TMEM45A: variants seen among roughly 807,000 people sequenced by gnomAD.
TMEM45A encodes transmembrane protein 45A, also known as DNA polymerase-transactivated protein 4.
Under a neutral mutation model 32.0 loss-of-function variants are expected in TMEM45A, and 25 were observed. That is an observed-to-expected ratio of 0.78 (90% CI 0.57 to 1.09). The LOEUF is 1.09. Ranked by LOEUF, TMEM45A falls within the 50% of genes least tolerant of loss-of-function variation. TMEM45A has a pLI of 0.00. For missense variants in TMEM45A, 302 were observed against 325.0 expected (o/e 0.93, Z 0.54); for synonymous variants, 122 against 114.8 (o/e 1.06, Z -0.40).
chr3:100,548,328 A>T (rs767386243), intron 1 of TMEM45A, among the ~76,000 whole-genome samples: 2 of 152,222 alleles, frequency 1.3e-5, no homozygotes, highest in Non-Finnish European at 2.9e-5. Flanking sequence ...GTTTGTCTCC[A>T]CATGCTCATT....
chr3:100,558,359 G>A (rs1346050865), intron 3 of TMEM45A, 46 bp from the exon 4 acceptor site: 2 of 1,603,500 alleles, frequency 1.2e-6, no homozygotes, highest in African/African-American at 2.7e-5. Context: ...AACAGTGGGT[G>A]GTCCTTGGTT....
At chr3:100,524,744 C>T (rs1705508915) in intron 1 of TMEM45A, among the ~76,000 whole-genome samples, 1 of 152,176 alleles carries the variant, frequency 6.6e-6, no homozygotes, top group South Asian at 2.1e-4. Context: ...AAAAGCCAGT[C>T]TTTGATGGGT....
intron 1 of TMEM45A, among the ~76,000 whole-genome samples, chr3:100,548,944 T>C (rs1427028100): frequency 6.6e-6 from 1 of 152,164 alleles, no homozygotes; most frequent in East Asian, 1.9e-4. Context: ...AGGCACTGTG[T>C]GTTAGAAAAT....
intron 1 of TMEM45A, among the ~76,000 whole-genome samples, chr3:100,521,088 G>A (rs1328455301): frequency 2.0e-5 from 3 of 152,160 alleles, no homozygotes; most frequent in Non-Finnish European, 4.4e-5. Context: ...GCAAAGTTTA[G>A]CGCGTGAAGC....
chr3:100,510,528 G>A (rs560700336), intron 1 of TMEM45A, among the ~76,000 whole-genome samples: 13 of 152,322 alleles, frequency 8.5e-5, no homozygotes, highest in African/African-American at 2.6e-4. Flanking sequence ...AAAAAACAGA[G>A]CAGAAAAACT....
intron 1 of TMEM45A, among the ~76,000 whole-genome samples, chr3:100,542,127 G>A (rs1705894902): frequency 6.6e-6 from 1 of 152,106 alleles, no homozygotes; most frequent in South Asian, 2.1e-4. Context: ...GATTGCTTTG[G>A]CTATTTGGGT....
chr3:100,507,061 G>T (rs1179615233), intron 1 of TMEM45A, among the ~76,000 whole-genome samples: 1 of 152,190 alleles, frequency 6.6e-6, no homozygotes, highest in Non-Finnish European at 1.5e-5. Flanking sequence ...TGGACTTACT[G>T]CTCTAGAGGT....
At chr3:100,560,729 TAAAG>T (rs1367410788) in intron 4 of TMEM45A, among the ~76,000 whole-genome samples, 2 of 152,026 alleles carry the variant, frequency 1.3e-5, no homozygotes, top group Non-Finnish European at 1.5e-5. Context: ...AATATTCAAA[TAAAG>T]AAAGGCAGGA....
chr3:100,502,136 A>G (rs142215206), intron 1 of TMEM45A, among the ~76,000 whole-genome samples: 38 of 152,268 alleles, frequency 2.5e-4, no homozygotes, highest in African/African-American at 8.2e-4. Context: ...CCTACATTTT[A>G]TATAACTACC....
intron 1 of TMEM45A, among the ~76,000 whole-genome samples, chr3:100,528,321 G>A (rs3924054): frequency 0.093 from 14,125 of 152,256 alleles, 868 homozygotes; most frequent in East Asian, 0.26. Flanking sequence ...TTCTCCCTCA[G>A]GGGTGTGCAA....
intron 1 of TMEM45A, among the ~76,000 whole-genome samples, chr3:100,499,679 C>G (rs1707984262): frequency 6.6e-6 from 1 of 152,102 alleles, no homozygotes. Context: ...GAGTTCGAGA[C>G]CAGCCTAAGC....
At chr3:100,565,539 A>G (rs765693324) in intron 4 of TMEM45A, among the ~76,000 whole-genome samples, 14 of 152,142 alleles carry the variant, frequency 9.2e-5, no homozygotes, top group Non-Finnish European at 2.1e-4. Flanking sequence ...ACCCGATTTT[A>G]TTATCGAGAT....
At chr3:100,532,492 G>T (rs901272173) in intron 1 of TMEM45A, among the ~76,000 whole-genome samples, 1 of 152,198 alleles carries the variant, frequency 6.6e-6, no homozygotes, top group Non-Finnish European at 1.5e-5. Flanking sequence ...GATGCGGCCG[G>T]CCCATATGCC....
chr3:100,535,329 GT>G (rs1311657877), intron 1 of TMEM45A, among the ~76,000 whole-genome samples: 2 of 151,994 alleles, frequency 1.3e-5, no homozygotes, highest in African/African-American at 2.4e-5. Context: ...GGCCAGGCTG[GT>G]TTTGAATGGC....
intron 1 of TMEM45A, chr3:100,519,369 TTGTGTGTGTGTGTGTGCATGTG>T (rs1228407800): frequency 2.3e-5 from 12 of 519,134 alleles, no homozygotes; most frequent in Middle Eastern, 3.8e-4. Context: ...TGCATACAGG[TTGTGTGTGTGTGTGTGCATGTG>T]TGTGTGTGTG....
chr3:100,544,530 C>T (rs1269861523), intron 1 of TMEM45A, among the ~76,000 whole-genome samples: 1 of 152,160 alleles, frequency 6.6e-6, no homozygotes, highest in African/African-American at 2.4e-5. Context: ...ATTCTATTCC[C>T]TTTACCTGGA....
intron 1 of TMEM45A, among the ~76,000 whole-genome samples, chr3:100,510,035 T>C (rs6767301): frequency 0.47 from 71,868 of 151,606 alleles, 19,032 homozygotes; most frequent in African/African-American, 0.72. Flanking sequence ...GGCAGCGAGG[T>C]TGGGGGAGGA....
chr3:100,528,699 C>T (rs1705593403), intron 1 of TMEM45A, among the ~76,000 whole-genome samples: 1 of 151,554 alleles, frequency 6.6e-6, no homozygotes, highest in South Asian at 2.1e-4. Flanking sequence ...ACACAGTTTC[C>T]TTCTCCCTCT....
intron 1 of TMEM45A, among the ~76,000 whole-genome samples, chr3:100,497,602 C>A (rs781065440): frequency 6.6e-6 from 1 of 152,106 alleles, no homozygotes. Flanking sequence ...ATTCTACTTG[C>A]TATTTTTATG....
Sources: gnomAD v4.1 joint callset for allele counts (sites outside exome capture counted in the v4.1 genomes callset) on GRCh38, gnomAD v4.1.1 for gene constraint, MANE v1.5 for transcripts, NCBI Gene and HGNC (gene_info 2026-07-23, HGNC 2026-07-21) for gene names.